CERS3: variants seen among roughly 807,000 people sequenced by gnomAD.
CERS3 encodes ceramide synthase 3.
In CERS3, 33 loss-of-function variants were observed where a neutral mutation model predicts 50.3. The observed-to-expected ratio is 0.66, with a 90% CI of 0.50 to 0.88. The LOEUF is 0.88. Among genes scored for constraint, CERS3 ranks in the 40% least tolerant of loss-of-function variants. The pLI, the probability that CERS3 is intolerant of heterozygous loss-of-function variation, is 0.00. For missense variants in CERS3, 470 were observed against 460.3 expected (o/e 1.02, Z -0.19); for synonymous variants, 176 against 155.2 (o/e 1.13, Z -0.99).
intron 1 of CERS3, among the ~76,000 whole-genome samples, chr15:100,541,449 G>A (rs2037200475): frequency 6.6e-6 from 1 of 152,122 alleles, no homozygotes; most frequent in Non-Finnish European, 1.5e-5. Context: ...TCCAGCCTGG[G>A]TGACAGAGCG....
intron 11 of CERS3, among the ~76,000 whole-genome samples, chr15:100,445,181 C>T (rs2033882373): frequency 6.7e-6 from 1 of 149,422 alleles, no homozygotes; most frequent in African/African-American, 2.5e-5. Context: ...TTTATTAGGC[C>T]CCAGTCTCAT....
chr15:100,486,063 C>T (rs969528476), intron 4 of CERS3, among the ~76,000 whole-genome samples: 2 of 152,138 alleles, frequency 1.3e-5, no homozygotes, highest in African/African-American at 4.8e-5. Flanking sequence ...GCGGACGCTT[C>T]CAGAGAAAAC....
chr15:100,508,557 C>T (rs955930131), intron 2 of CERS3, among the ~76,000 whole-genome samples: 1 of 152,194 alleles, frequency 6.6e-6, no homozygotes, highest in African/African-American at 2.4e-5. Flanking sequence ...GTGAAAAATT[C>T]TTGAGCCTTC....
intron 1 of CERS3, among the ~76,000 whole-genome samples, chr15:100,541,105 C>T (rs1275720467): frequency 1.3e-5 from 2 of 152,128 alleles, no homozygotes; most frequent in African/African-American, 4.8e-5. Flanking sequence ...ATTCACTGTC[C>T]CTCTGTGGGG....
chr15:100,521,583 T>C (rs2036639888), intron 2 of CERS3, 84 bp downstream of exon 2: 1 of 152,212 alleles, frequency 6.6e-6, no homozygotes, highest in Admixed American at 6.5e-5. Flanking sequence ...AGATATCAAC[T>C]TCTGAGTCAC....
Position 100,467,854 on chromosome 15 carries a change from GATAGATAGATAGA to G in CERS3, c.845+1511_845+1523del, listed in dbSNP as rs2034826552. Among the ~76,000 whole-genome samples the G allele has an allele frequency of 1.5e-4, 5 of 33,108 alleles. 1 individual carries two copies. Among genetic ancestry groups the G allele is most frequent in the Non-Finnish European group, 3.9e-4 (5 of 12,834 alleles). 21.7% of individuals were successfully genotyped at this position (33,108 alleles called of 152,430 possible). On this transcript the variant is annotated intron_variant, in intron 10 of 11. Coordinates refer to ENST00000679737, the MANE Select transcript of CERS3 (RefSeq NM_001378789.1). ...ATATACGTGTATATATATATATATAGATAGATAGATAGATAGATAGATAGATATAGATATAGAT... is the reference window on the plus strand; with the variant it reads ...ATATACGTGTATATATATATATATAGTAGATAGATAGATATAGATATAGAT...
intron 10 of CERS3, among the ~76,000 whole-genome samples, chr15:100,459,264 T>C (rs539582510): frequency 2.0e-5 from 3 of 152,350 alleles, no homozygotes; most frequent in South Asian, 4.1e-4. Flanking sequence ...AAATGTTCAT[T>C]ATATTAGAAA....
chr15:100,485,369 T>C (rs1596743066), intron 4 of CERS3, among the ~76,000 whole-genome samples: 1 of 152,202 alleles, frequency 6.6e-6, no homozygotes, highest in South Asian at 2.1e-4. Context: ...ACAATATGAA[T>C]GATAGATCTG....
intron 2 of CERS3, among the ~76,000 whole-genome samples, chr15:100,511,534 G>T (rs7496055): frequency 6.9e-5 from 8 of 116,164 alleles, no homozygotes; most frequent in South Asian, 5.5e-4. Context: ...TCCATTAACA[G>T]TCTGTTACAT....
chr15:100,483,781 A>ATTTTTTTTTTTTTT lies in CERS3; in HGVS notation c.407+768_407+769insAAAAAAAAAAAAAA, dbSNP rs1267906519. The stretch of plus-strand genomic sequence containing the variant: ...AGGATCAATAATAATAATAATTATT[A>ATTTTTTTTTTTTTT]TTATTATTTTTTTTTTTGAGACAGA... On this transcript the variant is annotated intron_variant, in intron 5 of 11. Coordinates refer to ENST00000679737, the MANE Select transcript of CERS3 (RefSeq NM_001378789.1). 4.4e-4 allele frequency among the ~76,000 whole-genome samples: 34 copies of ATTTTTTTTTTTTTT among 77,614 alleles called. 4 individuals carry two copies. Among genetic ancestry groups the ATTTTTTTTTTTTTT allele is most frequent in the East Asian group, 2.9e-3 (8 of 2,772 alleles). 50.9% of individuals were successfully genotyped at this position (77,614 alleles called of 152,430 possible).
At chr15:100,500,633 C>T (rs552657981) in intron 3 of CERS3, 74 of 152,288 alleles carry the variant, frequency 4.9e-4, no homozygotes, top group Non-Finnish European at 8.2e-4. Flanking sequence ...TATCCAAATA[C>T]GTGAGTAAAA....
At chr15:100,420,205 G>A (rs1362477790) in intron 11 of CERS3, among the ~76,000 whole-genome samples, 1 of 144,712 alleles carries the variant, frequency 6.9e-6, no homozygotes, top group East Asian at 2.0e-4. Flanking sequence ...AAGAAAAAAA[G>A]AGAGAAGAAT....
chr15:100,404,949 T>C (rs1279317700), intron 11 of CERS3, among the ~76,000 whole-genome samples: 3 of 152,200 alleles, frequency 2.0e-5, no homozygotes, highest in East Asian at 1.9e-4. Context: ...TAAAATGTCA[T>C]ACATTGTACA....
intron 4 of CERS3, among the ~76,000 whole-genome samples, chr15:100,488,925 C>T (rs910572165): frequency 7.2e-5 from 11 of 151,926 alleles, no homozygotes; most frequent in South Asian, 4.2e-4. Flanking sequence ...TACAGGCACT[C>T]GCCACCACGC....
At chr15:100,472,851 A>T in intron 9 of CERS3, 73 bp downstream of exon 9, 1 of 1,585,920 alleles carries the variant, frequency 6.3e-7, no homozygotes, top group East Asian at 2.2e-5. Flanking sequence ...AATTGCTCAC[A>T]ATTACTTCTG....
rs972673229 is a variant in CERS3, at chr15:100,400,921, C to T, written c.*1792G>A. On this transcript the variant is annotated 3_prime_UTR_variant, in exon 12 of 12. Coordinates refer to ENST00000679737, the MANE Select transcript of CERS3 (RefSeq NM_001378789.1). Reference sequence around the variant, plus strand: ...CATATAATGCATATGATATTGTCCTCATAAAAGCAAATGTTATACAGAGAA... The same window carrying T: ...CATATAATGCATATGATATTGTCCTTATAAAAGCAAATGTTATACAGAGAA... 1 of 152,064 alleles carries T rather than the reference C, an allele frequency of 6.6e-6. No homozygotes were observed. The highest frequency in any genetic ancestry group is 1.5e-5 in the Non-Finnish European group (1 of 68,018). The allele number at this position is 152,064 out of a possible 1,614,324, so 9.4% of individuals were successfully genotyped here.
rs116215142 is a variant in CERS3 at position 100,402,758 on chromosome 15, G to A, written c.1107C>T (p.Leu369=). ...TGGGAATGAGGTGCCTCTCAGCCCT[G>A]AGGCCGTTCTTTAAACAATCCATCT... ...GKEMDCLKNG[L]RAERHLIPNG... The change falls in exon 12 of 12, where the codon CTC becomes CTT. Residue 369 remains leucine (L), a synonymous_variant. Transcript: ENST00000679737. 281 of 1,614,106 alleles carry A rather than the reference G, an allele frequency of 1.7e-4. 1 individual carries two copies. The highest frequency in any genetic ancestry group is 1.7e-3 in the African/African-American group (127 of 75,022).
At chr15:100,438,401 T>C (rs533381875) in intron 11 of CERS3, among the ~76,000 whole-genome samples, 18 of 152,260 alleles carry the variant, frequency 1.2e-4, no homozygotes, top group Non-Finnish European at 2.4e-4. Context: ...AGTAGGTGTA[T>C]ACATATATAT....
chr15:100,524,054 G>T (rs2036715738), intron 1 of CERS3, among the ~76,000 whole-genome samples: 1 of 151,780 alleles, frequency 6.6e-6, no homozygotes, highest in Admixed American at 6.6e-5. Context: ...ATTTGTGGAG[G>T]TTTTTTTTCT....
Sources: allele counts gnomAD v4.1 joint callset (sites outside exome capture counted in the v4.1 genomes callset), GRCh38; gene constraint gnomAD v4.1.1; transcripts MANE v1.5; gene names NCBI Gene and HGNC (gene_info 2026-07-23, HGNC 2026-07-21).